The following NEBL variants were observed in gnomAD, a reference collection of about 807,000 sequenced individuals.
NEBL encodes the protein LIM and SH3 protein 2.
A neutral mutation model predicts 140.2 loss-of-function variants in NEBL; 122 were observed. The ratio of observed to expected loss-of-function variants is 0.87; its 90% CI spans 0.75 to 1.01. The LOEUF is 1.01. NEBL is among the 50% of genes least tolerant of loss of function. NEBL has a pLI of 0.00. For synonymous variants in NEBL, 436 were observed against 398.9 expected (o/e 1.09, Z -1.11); for missense variants, 1,365 against 1,231.3 (o/e 1.11, Z -1.62).
chr10:21,179,724 C>CA (rs11446563), upstream of NEBL, among the ~76,000 whole-genome samples: 16,299 of 137,548 alleles, frequency 0.12, 2,517 homozygotes, highest in African/African-American at 0.35. Context: ...AGAGATGTGA[C>CA]AAAAAAAAAA....
At chr10:20,953,170 T>G (rs1314563348) in intron 4 of NEBL, among the ~76,000 whole-genome samples, 1 of 152,094 alleles carries the variant, frequency 6.6e-6, no homozygotes, top group African/African-American at 2.4e-5. Context: ...TGTGACTGTA[T>G]TTGGAGAGGG....
intron 2 of NEBL, among the ~76,000 whole-genome samples, chr10:21,124,004 C>T (rs1048315892): frequency 6.6e-6 from 1 of 151,792 alleles, no homozygotes; most frequent in Non-Finnish European, 1.5e-5. Context: ...CAATCTATGA[C>T]ATTTTATGCA....
intron 4 of NEBL, among the ~76,000 whole-genome samples, chr10:20,882,093 GC>G (rs1161792504): frequency 4.3e-4 from 65 of 152,194 alleles, no homozygotes; most frequent in Admixed American, 1.2e-3. Context: ...CAGGAGGATT[GC>G]CTGATCCCAG....
intron 1 of NEBL, among the ~76,000 whole-genome samples, chr10:21,270,566 C>T (rs541443410): frequency 3.3e-5 from 5 of 152,162 alleles, no homozygotes; most frequent in African/African-American, 1.2e-4. Context: ...TGGGGTTTCA[C>T]CATGTTGGCC....
intron 3 of NEBL, among the ~76,000 whole-genome samples, chr10:21,209,734 G>T (rs777432379): frequency 3.3e-5 from 5 of 150,232 alleles, no homozygotes; most frequent in Non-Finnish European, 7.4e-5. Context: ...AGATCACGAG[G>T]TAACAAACAT....
chr10:21,088,471 G>T (rs578044625), intron 2 of NEBL, among the ~76,000 whole-genome samples: 1 of 152,178 alleles, frequency 6.6e-6, no homozygotes, highest in African/African-American at 2.4e-5. Context: ...TTGTCACGGT[G>T]AGATTCTGTC....
chr10:21,054,707 C>T (rs1406558133), intron 2 of NEBL, among the ~76,000 whole-genome samples: 2 of 152,072 alleles, frequency 1.3e-5, no homozygotes, highest in Admixed American at 1.3e-4. Context: ...TATGAAAATG[C>T]CAAGCTCTGC....
intron 3 of NEBL, among the ~76,000 whole-genome samples, chr10:21,005,824 A>T (rs113585500): frequency 0.018 from 2,733 of 151,892 alleles, 78 homozygotes; most frequent in African/African-American, 0.062. Context: ...TGAATTACTG[A>T]CATACTAACA....
At chr10:21,008,931 A>G (rs1316110915) in intron 3 of NEBL, among the ~76,000 whole-genome samples, 1 of 151,332 alleles carries the variant, frequency 6.6e-6, no homozygotes, top group Non-Finnish European at 1.5e-5. Context: ...ATTACATATA[A>G]TATTTATTAT....
chr10:21,210,337 T>G (rs1251269702), intron 3 of NEBL, among the ~76,000 whole-genome samples: 1 of 152,094 alleles, frequency 6.6e-6, no homozygotes, highest in Non-Finnish European at 1.5e-5. Context: ...GAAGTTGCAG[T>G]AAGCCGAGAC....
upstream of NEBL, chr10:20,897,421 T>A (rs1847608530): frequency 3.9e-6 from 5 of 1,296,734 alleles, no homozygotes; most frequent in South Asian, 1.0e-4. Context: ...GCCTCACAAG[T>A]GGAAATAACA....
chr10:20,843,045 G>C (rs146142401), intron 12 of NEBL, among the ~76,000 whole-genome samples: 189 of 152,206 alleles, frequency 1.2e-3, no homozygotes, highest in African/African-American at 4.3e-3. Context: ...AAACCCGTAT[G>C]TTGAAGCCCT....
intron 4 of NEBL, among the ~76,000 whole-genome samples, chr10:20,959,908 A>G (rs753503584): frequency 1.3e-5 from 2 of 152,082 alleles, no homozygotes; most frequent in Admixed American, 6.6e-5. Flanking sequence ...TATGATAAAT[A>G]TAGATTAATA....
At chr10:20,884,616 T>C (rs1439892829) in intron 4 of NEBL, among the ~76,000 whole-genome samples, 1 of 152,248 alleles carries the variant, frequency 6.6e-6, no homozygotes, top group Non-Finnish European at 1.5e-5. Context: ...ATCAGAATAA[T>C]AACATAACTT....
At chr10:21,040,799 T>G (rs1238491076) in intron 2 of NEBL, among the ~76,000 whole-genome samples, 1 of 152,186 alleles carries the variant, frequency 6.6e-6, no homozygotes, top group Non-Finnish European at 1.5e-5. Context: ...CTCCCTTGCT[T>G]TTCTTGTGAG....
chr10:20,857,218 G>A (rs561641377), intron 9 of NEBL, among the ~76,000 whole-genome samples: 1 of 152,306 alleles, frequency 6.6e-6, no homozygotes, highest in South Asian at 2.1e-4. Context: ...CCAGAAAGGA[G>A]GCTTACAAAA....
Position 21,159,671 on chromosome 10 carries a change from G to A in NEBL, c.164+12712C>T, listed in dbSNP as rs138333140. Among the ~76,000 whole-genome samples the A allele has an allele frequency of 1.9e-3, 284 of 152,254 alleles. 2 individuals carry two copies. Among genetic ancestry groups the A allele is most frequent in the Non-Finnish European group, 2.6e-3 (176 of 68,010 alleles). The stretch of plus-strand genomic sequence containing the variant: ...AGAGGCACATGGTCTGCCATGCAGC[G>A]GGGCCACCTGTTTCCCTTCTTTTCC... On this transcript the variant is annotated intron_variant, in intron 2 of 6. Transcript: ENST00000417816.
chr10:20,913,362 T>G (rs1253187828), intron 4 of NEBL, among the ~76,000 whole-genome samples: 1 of 152,222 alleles, frequency 6.6e-6, no homozygotes, highest in Non-Finnish European at 1.5e-5. Context: ...CAAGGTCTCC[T>G]GTGGGACAAA....
intron 2 of NEBL, among the ~76,000 whole-genome samples, chr10:21,025,149 G>T (rs1167721630): frequency 1.3e-5 from 2 of 150,158 alleles, no homozygotes; most frequent in Non-Finnish European, 3.0e-5. Flanking sequence ...AGAGAATCAG[G>T]AAACAAAAAA....
Sources: allele counts gnomAD v4.1 joint callset (sites outside exome capture counted in the v4.1 genomes callset), GRCh38; gene constraint gnomAD v4.1.1; transcripts MANE v1.5; gene names NCBI Gene and HGNC (gene_info 2026-07-23, HGNC 2026-07-21).